NCALD: variants seen among roughly 807,000 people sequenced by gnomAD.
NCALD encodes the protein neurocalcin delta, also known as neurocalcin-delta.
A neutral mutation model predicts 18.6 loss-of-function variants in NCALD; 10 were observed. The observed-to-expected ratio is 0.54, with a 90% CI of 0.33 to 0.91. The LOEUF is 0.91. Ranked by LOEUF, NCALD falls within the 40% of genes least tolerant of loss-of-function variation. NCALD has a pLI of 0.03. For missense variants in NCALD, 184 were observed against 247.6 expected, an observed-to-expected ratio of 0.74 and a Z score of 1.72; for synonymous variants, 88 against 87.4, an observed-to-expected ratio of 1.01 and a Z score of -0.04.
intron 2 of NCALD, among the ~76,000 whole-genome samples, chr8:101,927,853 G>A (rs1818395654): frequency 6.6e-6 from 1 of 152,156 alleles, no homozygotes; most frequent in South Asian, 2.1e-4. Flanking sequence ...GCCAAAGTCA[G>A]GGCCTGGGTG....
rs578024003 is a variant in NCALD, at chr8:101,982,637, G to A, written c.-157+37600C>T. Among the ~76,000 whole-genome samples, 12 of 152,178 alleles carry A rather than the reference G, an allele frequency of 7.9e-5. No homozygotes were observed. In the East Asian group the frequency reaches 1.7e-3, roughly 22 times the overall value. On this transcript the variant is annotated intron_variant, in intron 2 of 6. Transcript: ENST00000311028. ...TGGTGGATCAGGAGGTCAGGAGATC[G>A]AGACGATCCTGGCTAACATGGTGAA...
intron 1 of NCALD, among the ~76,000 whole-genome samples, chr8:102,052,544 G>C (rs558814530): frequency 2.0e-5 from 3 of 152,302 alleles, no homozygotes; most frequent in African/African-American, 7.2e-5. Context: ...GCTTGAAGTG[G>C]TTAAATCCAC....
In NCALD at chr8:102,032,282, C is replaced by T. The variant is rs139106842; in HGVS notation, c.-209-11993G>A. ...ACGGCCACCTACTCCTGATACATTGCTTCCTCTCTCTCAAACCACACTTAC... is the reference window on the plus strand; with the variant it reads ...ACGGCCACCTACTCCTGATACATTGTTTCCTCTCTCTCAAACCACACTTAC... On this transcript the variant is annotated intron_variant, in intron 1 of 6. Coordinates refer to the NCALD transcript ENST00000311028. 4.0e-3 allele frequency among the ~76,000 whole-genome samples: 611 copies of T among 152,238 alleles called. 3 individuals carry two copies. The highest frequency in any genetic ancestry group is 0.013 in the African/African-American group (533 of 41,538).
At chr8:101,953,996 ACT>A (rs1819529359) in intron 2 of NCALD, among the ~76,000 whole-genome samples, 1 of 152,100 alleles carries the variant, frequency 6.6e-6, no homozygotes, top group East Asian at 1.9e-4. Context: ...TTGCACTGCA[ACT>A]CTCACAGACT....
chr8:102,057,257 T>TACACACAC (rs3085988), intron 1 of NCALD, among the ~76,000 whole-genome samples: 23,178 of 147,634 alleles, frequency 0.16, 2,084 homozygotes, highest in South Asian at 0.21. Context: ...GGCTAGTTCA[T>TACACACAC]ACACACACAC....
At chr8:102,024,243 T>C (rs1400294359) in intron 1 of NCALD, among the ~76,000 whole-genome samples, 1 of 152,208 alleles carries the variant, frequency 6.6e-6, no homozygotes, top group Non-Finnish European at 1.5e-5. Flanking sequence ...CAAATGTCTC[T>C]CAAACACACA....
intron 4 of NCALD, among the ~76,000 whole-genome samples, chr8:101,864,932 T>C (rs1408764015): frequency 4.6e-5 from 7 of 152,164 alleles, no homozygotes; most frequent in Admixed American, 4.6e-4. Flanking sequence ...AAAGAGTACT[T>C]GTAATCTTTA....
At chr8:102,113,914 T>C (rs1290348006) in intron 1 of NCALD, among the ~76,000 whole-genome samples, 1 of 152,234 alleles carries the variant, frequency 6.6e-6, no homozygotes, top group Non-Finnish European at 1.5e-5. Flanking sequence ...CAGTGAAAAC[T>C]TGATAATCAT....
chr8:102,114,906 G>T (rs1825739447), intron 1 of NCALD, among the ~76,000 whole-genome samples: 1 of 152,224 alleles, frequency 6.6e-6, no homozygotes, highest in South Asian at 2.1e-4. Context: ...GAGGAAACTG[G>T]CCTGGTCACT....
chr8:102,105,441 G>A (rs148145592), intron 1 of NCALD, among the ~76,000 whole-genome samples: 74 of 152,166 alleles, frequency 4.9e-4, no homozygotes, highest in African/African-American at 1.4e-3. Flanking sequence ...TTTGCTGCCC[G>A]GGCTCCAACA....
At chr8:101,741,959 G>GAA (rs3028654) in intron 1 of NCALD, among the ~76,000 whole-genome samples, 70,727 of 121,320 alleles carry the variant, frequency 0.58, 21,834 homozygotes, top group Non-Finnish European at 0.69. Context: ...AAAAAGAAAA[G>GAA]AAAAAAAAAA....
chr8:101,854,209 G>C (rs1337198925), intron 4 of NCALD, among the ~76,000 whole-genome samples: 1 of 152,164 alleles, frequency 6.6e-6, no homozygotes, highest in Admixed American at 6.5e-5. Flanking sequence ...GGTGCTGCCT[G>C]GGGTAGCTCT....
intron 2 of NCALD, among the ~76,000 whole-genome samples, chr8:101,698,102 C>G (rs1815087112): frequency 6.6e-6 from 1 of 152,142 alleles, no homozygotes; most frequent in Non-Finnish European, 1.5e-5. Context: ...GATACAAAAT[C>G]AATGTGGAAA....
intron 2 of NCALD, among the ~76,000 whole-genome samples, chr8:101,975,602 G>A (rs1586854726): frequency 6.6e-6 from 1 of 152,170 alleles, no homozygotes; most frequent in East Asian, 1.9e-4. Context: ...ATTTGTTCAG[G>A]TGACTGAATT....
At chr8:101,842,144 C>T (rs542634985) in intron 4 of NCALD, among the ~76,000 whole-genome samples, 1 of 152,290 alleles carries the variant, frequency 6.6e-6, no homozygotes, top group South Asian at 2.1e-4. Context: ...TCCCTCTCTA[C>T]ATCTCTATGT....
chr8:101,877,666 C>T (rs1816284291), intron 4 of NCALD, among the ~76,000 whole-genome samples: 1 of 152,224 alleles, frequency 6.6e-6, no homozygotes, highest in African/African-American at 2.4e-5. Flanking sequence ...TGGAGCCAGA[C>T]TCCCTAGGAG....
chr8:102,022,052 A>G (rs145311889), intron 1 of NCALD, among the ~76,000 whole-genome samples: 179 of 152,326 alleles, frequency 1.2e-3, no homozygotes, highest in African/African-American at 4.2e-3. Flanking sequence ...TTGGAGCTTC[A>G]GTGCAGGGGA....
At chr8:101,714,717 C>CATCATGCTACCTGACTTCAAA (rs1554611560) in intron 2 of NCALD, among the ~76,000 whole-genome samples, 26 of 151,614 alleles carry the variant, frequency 1.7e-4, no homozygotes, top group African/African-American at 5.1e-4. Flanking sequence ...AAGCTGGGGG[C>CATCATGCTACCTGACTTCAAA]CGGGCACGGT....
At chr8:101,819,259 A>G (rs933997611) in intron 4 of NCALD, among the ~76,000 whole-genome samples, 2 of 127,370 alleles carry the variant, frequency 1.6e-5, no homozygotes, top group African/African-American at 2.9e-5. Context: ...TTATAAATAC[A>G]TAACTTTATT....
Sources: allele counts gnomAD v4.1 joint callset (sites outside exome capture counted in the v4.1 genomes callset), GRCh38; gene constraint gnomAD v4.1.1; transcripts MANE v1.5; gene names NCBI Gene and HGNC (gene_info 2026-07-23, HGNC 2026-07-21).